PCDHGA2: variants seen among roughly 807,000 people sequenced by gnomAD.
The protein encoded by PCDHGA2 is protocadherin gamma subfamily A, 2, also known as protocadherin gamma-A2.
PCDHGA2 carries 40 observed loss-of-function variants against 59.2 expected under a neutral mutation model. The ratio of observed to expected loss-of-function variants is 0.68; its 90% CI spans 0.52 to 0.88. The LOEUF (loss-of-function observed/expected upper bound fraction) is 0.88, where lower values mean the gene tolerates loss of function less well. Ranked by LOEUF, PCDHGA2 falls within the 40% of genes least tolerant of loss-of-function variation. The pLI is 0.00. For missense variants in PCDHGA2, 1,226 were observed against 1,204.0 expected, an observed-to-expected ratio of 1.02 and a Z score of -0.27; for synonymous variants, 560 against 526.0, an observed-to-expected ratio of 1.06 and a Z score of -0.89.
chr5:141,456,835 C>T (rs1261094365), intron 1 of PCDHGA2, among the ~76,000 whole-genome samples: 3 of 152,000 alleles, frequency 2.0e-5, no homozygotes, highest in African/African-American at 4.8e-5. Flanking sequence ...TGGTAGTGGG[C>T]GCCTGTAATC....
rs1429860093 is a variant in PCDHGA2, at chr5:141,487,828, C to A, written c.2425-6979C>A. 3 of 1,184,120 alleles carry A rather than the reference C, an allele frequency of 2.5e-6. No individual in the cohort carries two copies. The highest frequency in any genetic ancestry group is 1.5e-5 in the African/African-American group (1 of 64,540). The allele number at this position is 1,184,120 out of a possible 1,614,324, so 73.4% of individuals were successfully genotyped here. A position where few individuals can be genotyped will look rare whatever the true frequency, so the allele number is the denominator to read the frequency against. ...AGTTTAGCATTGGGGGCGGGTCATG[C>A]CTATATCTGAGTAAGAAATGAAAGT... On this transcript the variant is annotated intron_variant, in intron 1 of 3. Coordinates refer to ENST00000394576, the MANE Select transcript of PCDHGA2 (RefSeq NM_018915.4). The surrounding 1 kb of genome is among the most constrained non-coding windows in gnomAD (Gnocchi z 5.0).
chr5:141,475,708 C>G (rs2099367415), intron 1 of PCDHGA2, among the ~76,000 whole-genome samples: 1 of 152,238 alleles, frequency 6.6e-6, no homozygotes, highest in African/African-American at 2.4e-5. Flanking sequence ...AACGGCTAGC[C>G]TCACAGCCCC....
At chr5:141,385,399 G>A in intron 1 of PCDHGA2, 1 of 1,492,926 alleles carries the variant, frequency 6.7e-7, no homozygotes, top group Non-Finnish European at 8.9e-7. Flanking sequence ...CAAAACAAAT[G>A]TTTTGAAAAT....
At chr5:141,474,557 G>T (rs1261720500) in intron 1 of PCDHGA2, among the ~76,000 whole-genome samples, 2 of 152,184 alleles carry the variant, frequency 1.3e-5, no homozygotes, top group Admixed American at 1.3e-4. Context: ...AAAACTGGGG[G>T]TTTTCAGAGA....
At chr5:141,459,938 C>T (rs373341229) in intron 1 of PCDHGA2, among the ~76,000 whole-genome samples, 4 of 152,148 alleles carry the variant, frequency 2.6e-5, no homozygotes, top group African/African-American at 4.8e-5. Context: ...TGTAGCTGGG[C>T]GTGATGGCAG....
Position 141,454,549 on chromosome 5 carries a change from G to A in PCDHGA2, c.2425-40258G>A, listed in dbSNP as rs188623155. ...AGCCTCCCAAGTAGCTGAGATTACA[G>A]GCATGTGCCACCACGCCCGGCTAAT... On this transcript the variant is annotated intron_variant, in intron 1 of 3. Transcript: ENST00000394576. Among the ~76,000 whole-genome samples, 406 of 152,154 alleles carry A rather than the reference G, an allele frequency of 2.7e-3. 2 individuals are homozygous for A. The highest frequency in any genetic ancestry group is 0.021 in the South Asian group (99 of 4,814).
intron 1 of PCDHGA2, among the ~76,000 whole-genome samples, chr5:141,406,174 G>A (rs990967391): frequency 2.6e-5 from 4 of 151,264 alleles, no homozygotes; most frequent in African/African-American, 9.7e-5. Flanking sequence ...CTGGGCTTAT[G>A]CAATCCTCCC....
intron 1 of PCDHGA2, chr5:141,371,995 C>G: frequency 1.2e-6 from 2 of 1,613,264 alleles, no homozygotes; most frequent in Non-Finnish European, 1.7e-6. Context: ...ACTCTGCAGG[C>G]CCGCGACCAG....
chr5:141,389,918 C>A (rs1341057088), intron 1 of PCDHGA2: 5 of 1,613,966 alleles, frequency 3.1e-6, no homozygotes, highest in Non-Finnish European at 4.2e-6. Flanking sequence ...ACCGCCCCGA[C>A]CCCTCTGACC....
chr5:141,383,406 T>G lies in PCDHGA2; in HGVS notation c.2424+42011T>G, dbSNP rs780989648. 25 of 1,613,866 alleles carry G rather than the reference T, an allele frequency of 1.5e-5. No individual in the cohort carries two copies. In the African/African-American group the frequency reaches 3.2e-4, roughly 21 times the overall value. ...ATGTGGGCACGAACTCCCTCCAGAG[T>G]TACCAGCTCAGCCCCAATCGCCACT... On this transcript the variant is annotated intron_variant, in intron 1 of 3. Coordinates refer to ENST00000394576, the MANE Select transcript of PCDHGA2 (RefSeq NM_018915.4).
intron 1 of PCDHGA2, chr5:141,383,530 G>A: frequency 6.2e-7 from 1 of 1,612,674 alleles, no homozygotes; most frequent in Non-Finnish European, 8.5e-7. Flanking sequence ...TCACCACCTG[G>A]TCCTCACAGC....
chr5:141,394,616 C>A, intron 1 of PCDHGA2: 1 of 1,613,490 alleles, frequency 6.2e-7, no homozygotes, highest in African/African-American at 1.3e-5. Flanking sequence ...CGGGCCAGAA[C>A]GCCTGGCTGT....
intron 1 of PCDHGA2, chr5:141,399,717 C>T (rs748626326): frequency 3.1e-6 from 5 of 1,613,320 alleles, no homozygotes; most frequent in Non-Finnish European, 4.2e-6. Context: ...CACTACAGGC[C>T]CGCGACCAGG....
intron 1 of PCDHGA2, chr5:141,388,753 T>C: frequency 6.2e-7 from 1 of 1,613,986 alleles, no homozygotes; most frequent in Non-Finnish European, 8.5e-7. Flanking sequence ...ATCACCCAAT[T>C]TGACCTGAAC....
intron 1 of PCDHGA2, chr5:141,344,995 C>A: frequency 6.2e-7 from 1 of 1,613,910 alleles, no homozygotes; most frequent in Non-Finnish European, 8.5e-7. Context: ...AAAATTGAAG[C>A]ACAGGATGGA....
At chr5:141,433,646 A>G (rs2097639113) in intron 1 of PCDHGA2, among the ~76,000 whole-genome samples, 1 of 152,012 alleles carries the variant, frequency 6.6e-6, no homozygotes, top group Non-Finnish European at 1.5e-5. Flanking sequence ...GACCAGCCTG[A>G]CCAACATGGA....
rs1490866629 is a variant in PCDHGA2 at position 141,345,204 on chromosome 5, C to T, written c.2424+3809C>T. On this transcript the variant is annotated intron_variant, in intron 1 of 3. Coordinates refer to ENST00000394576, the MANE Select transcript of PCDHGA2 (RefSeq NM_018915.4). ...TGAAGTTTTTGTCCTGGGAAATCTG[C>T]CATTTAAGTTAGAAAAATCAATAGA... 2.5e-6 allele frequency: 4 copies of T among 1,613,786 alleles called. No homozygotes were observed. The African/African-American group carries it at 5.3e-5, about 22-fold the overall frequency.
At chr5:141,360,723 A>C in intron 1 of PCDHGA2, 4 of 1,614,006 alleles carry the variant, frequency 2.5e-6, no homozygotes, top group Non-Finnish European at 3.4e-6. Context: ...AGTTGATTCT[A>C]AAACACTCTC....
At chr5:141,404,912 C>T (rs761969782) in intron 1 of PCDHGA2, 31 of 1,613,946 alleles carry the variant, frequency 1.9e-5, no homozygotes, top group Non-Finnish European at 2.5e-5. Flanking sequence ...CCAGCCCCCT[C>T]TCTCGGCCAC....
Sources: allele counts gnomAD v4.1 joint callset (sites outside exome capture counted in the v4.1 genomes callset), GRCh38; gene constraint gnomAD v4.1.1; non-coding constraint Gnocchi (gnomAD v3.1); transcripts MANE v1.5; gene names NCBI Gene and HGNC (gene_info 2026-07-23, HGNC 2026-07-21).